Variants in RDX observed in about 807,000 individuals in gnomAD.
RDX encodes radixin.
RDX carries 32 observed loss-of-function variants against 83.7 expected under a neutral mutation model. The ratio of observed to expected loss-of-function variants is 0.38; its 90% CI spans 0.29 to 0.51. RDX has a LOEUF of 0.51. Among genes scored for constraint, RDX ranks in the 20% least tolerant of loss-of-function variants. RDX has a pLI of 0.87. For synonymous variants in RDX, 229 were observed against 222.7 expected (o/e 1.03, Z -0.25); for missense variants, 600 against 689.9 (o/e 0.87, Z 1.46).
At chr11:110,187,154 G>C (rs1213325215) in intron 15 of RDX, among the ~76,000 whole-genome samples, 1 of 152,190 alleles carries the variant, frequency 6.6e-6, no homozygotes, top group Non-Finnish European at 1.5e-5. Flanking sequence ...GCACAGCAGG[G>C]CCCTCTCTAC....
At chr11:110,295,857 C>G (rs1861433355) in intron 1 of RDX, among the ~76,000 whole-genome samples, 1 of 152,216 alleles carries the variant, frequency 6.6e-6, no homozygotes, top group East Asian at 1.9e-4. Context: ...GAACCGCGGC[C>G]CTGGCCTGGC....
Position 110,230,147 on chromosome 11 carries a change from C to T in RDX, c.*1722G>A, listed in dbSNP as rs1864567369. 1 of 152,192 alleles carries T rather than the reference C, an allele frequency of 6.6e-6. No homozygotes were observed. The highest frequency in any genetic ancestry group is 2.4e-5 in the African/African-American group (1 of 41,432). 9.4% of individuals were successfully genotyped at this position (152,192 alleles called of 1,614,324 possible). A position where few individuals can be genotyped will look rare whatever the true frequency, so the allele number is the denominator to read the frequency against. Reference sequence around the variant, plus strand: ...ATCAAAAAAGCACAAGAGATATTTTCAGACACAACTTGAATCTACTGTGCA... The same window carrying T: ...ATCAAAAAAGCACAAGAGATATTTTTAGACACAACTTGAATCTACTGTGCA... On this transcript the variant is annotated 3_prime_UTR_variant, in exon 14 of 14. Transcript: ENST00000645495.
At chr11:110,251,941 C>G (rs976148520) in intron 9 of RDX, among the ~76,000 whole-genome samples, 2 of 152,190 alleles carry the variant, frequency 1.3e-5, no homozygotes, top group Non-Finnish European at 1.5e-5. Context: ...TCTAGCAGCA[C>G]AGGCAGCATA....
intron 1 of RDX, among the ~76,000 whole-genome samples, chr11:110,290,593 T>G (rs1861199426): frequency 6.6e-6 from 1 of 152,060 alleles, no homozygotes; most frequent in Non-Finnish European, 1.5e-5. Flanking sequence ...CTCCTGAGTA[T>G]TTTACTCATC....
intron 2 of RDX, among the ~76,000 whole-genome samples, chr11:110,277,666 T>C (rs1273542459): frequency 6.6e-6 from 1 of 152,000 alleles, no homozygotes; most frequent in Non-Finnish European, 1.5e-5. Context: ...TGCTCAAATA[T>C]TTTGTCCACT....
intron 13 of RDX, among the ~76,000 whole-genome samples, chr11:110,232,943 T>C (rs1011281705): frequency 5.3e-5 from 8 of 152,196 alleles, no homozygotes; most frequent in Non-Finnish European, 8.8e-5. Context: ...GATCAAAAAC[T>C]AAATTCACGT....
At chr11:110,237,792 T>C (rs746089330) in intron 10 of RDX, 140 bp from the exon 11 acceptor site, 12 of 966,942 alleles carry the variant, frequency 1.2e-5, no homozygotes, top group Non-Finnish European at 1.8e-5. Context: ...TATACCTCTT[T>C]GTTTTCTTGA....
In RDX at chr11:110,229,803, G is replaced by C. The variant is rs1864554383; in HGVS notation, c.*2066C>G. ...ACTGTATCAAACTGATGTAGCTATG[G>C]TAGTGCACATAATTCAAAATGAGGA... On this transcript the variant is annotated 3_prime_UTR_variant, in exon 14 of 14. Transcript: ENST00000645495. 1 of 152,414 alleles carries C rather than the reference G, an allele frequency of 6.6e-6. No homozygotes were observed. The highest frequency in any genetic ancestry group is 2.4e-5 in the African/African-American group (1 of 41,414). The allele number at this position is 152,414 out of a possible 1,614,324, so 9.4% of individuals were successfully genotyped here.
At chr11:110,176,516 G>C (rs1313508498) in intron 15 of RDX, among the ~76,000 whole-genome samples, 1 of 152,088 alleles carries the variant, frequency 6.6e-6, no homozygotes, top group Non-Finnish European at 1.5e-5. Context: ...GGGGTGCCTG[G>C]GGACATTGCC....
chr11:110,194,253 G>A (rs1469473004), intron 15 of RDX, among the ~76,000 whole-genome samples: 1 of 152,180 alleles, frequency 6.6e-6, no homozygotes, highest in Non-Finnish European at 1.5e-5. Flanking sequence ...CCCTGCCATA[G>A]GGTAACAATA....
chr11:110,199,566 G>T, intron 15 of RDX: 1 of 702,920 alleles, frequency 1.4e-6, no homozygotes, highest in Non-Finnish European at 2.6e-6. Context: ...GGCCACGGCT[G>T]CCAGTTGTAC....
intron 15 of RDX, among the ~76,000 whole-genome samples, chr11:110,193,264 G>A (rs1185735750): frequency 6.6e-6 from 1 of 152,120 alleles, no homozygotes; most frequent in Non-Finnish European, 1.5e-5. Context: ...ATTAACATAG[G>A]AACAGAAAAC....
At chr11:110,192,017 A>G (rs781385331) in intron 15 of RDX, among the ~76,000 whole-genome samples, 2 of 152,230 alleles carry the variant, frequency 1.3e-5, no homozygotes, top group African/African-American at 2.4e-5. Flanking sequence ...GTCATTTTTC[A>G]CAGAATTAGA....
chr11:110,235,934 A>G (rs546731623), intron 12 of RDX, among the ~76,000 whole-genome samples, 165 bp downstream of exon 12: 1 of 152,304 alleles, frequency 6.6e-6, no homozygotes, highest in African/African-American at 2.4e-5. Context: ...CTGTGTTCCC[A>G]AAGTACTTGG....
chr11:110,222,854 C>T (rs1442122998), intron 14 of RDX, among the ~76,000 whole-genome samples: 2 of 152,052 alleles, frequency 1.3e-5, no homozygotes, highest in African/African-American at 4.8e-5. Flanking sequence ...TTGTACCTAT[C>T]AACAAAAACG....
chr11:110,264,122 A>G lies in RDX; in HGVS notation c.305T>C (p.Phe102Ser). 4 of 1,613,898 alleles carry G rather than the reference A, an allele frequency of 2.5e-6. No homozygotes were observed. Among genetic ancestry groups the G allele is most frequent in the Non-Finnish European group, 3.4e-6 (4 of 1,179,770 alleles). Residue 102 changes from phenylalanine to serine, a missense_variant, in exon 5 of 14, where the codon TTC becomes TCC. Physicochemically the swap from Phe to Ser is radical, Grantham distance 155. Transcript: ENST00000645495. ...ELIQEITQRLFFLQVKEAILN... is the reference protein window; with the variant it reads ...ELIQEITQRLSFLQVKEAILN... ...GATGGCTTCTTTAACTTGCAAGAAG[A>G]AGAGTCTCTGGGTTATTTCTTGAAT...
chr11:110,290,042 T>C (rs542165713), intron 1 of RDX, among the ~76,000 whole-genome samples: 60 of 151,362 alleles, frequency 4.0e-4, no homozygotes, highest in African/African-American at 1.4e-3. Context: ...CCAGGATTTT[T>C]TGTTATAAAC....
Position 110,237,572 on chromosome 11 carries a change from T to C in RDX, c.1171A>G (p.Lys391Glu), listed in dbSNP as rs779405847. The C allele has an allele frequency of 2.5e-6, 4 of 1,614,122 alleles. No individual in the cohort carries two copies. The South Asian group carries it at 4.4e-5, about 18-fold the overall frequency. The change falls in exon 11 of 14, where the codon AAG (lysine) becomes GAG (glutamate). Residue 391 changes from lysine (K) to glutamate (E), a missense_variant. Lys to Glu is a moderately conservative substitution (Grantham distance 56, BLOSUM62 1). Transcript: ENST00000645495. ...GCCTCTTCAGCAGCTCGACGCTCCT[T>C]TTCAAGTCGTTCTGCTTCTTCTTTT... ...RAKEEAERLE[K>E]ERRAAEEAKS...
At chr11:110,262,536 C>T (rs1463836060) in intron 5 of RDX, among the ~76,000 whole-genome samples, 2 of 151,338 alleles carry the variant, frequency 1.3e-5, no homozygotes, top group African/African-American at 2.4e-5. Context: ...TGCAGTGAGC[C>T]GAGATCGTGC....
Sources: allele counts gnomAD v4.1 joint callset (sites outside exome capture counted in the v4.1 genomes callset), GRCh38; gene constraint gnomAD v4.1.1; transcripts MANE v1.5; gene names NCBI Gene and HGNC (gene_info 2026-07-23, HGNC 2026-07-21).